Variants in NTNG2 observed in about 807,000 individuals in gnomAD.
NTNG2 encodes the protein netrin-G2.
NTNG2 carries 15 observed loss-of-function variants against 47.6 expected under a neutral mutation model. The ratio of observed to expected loss-of-function variants is 0.32; its 90% CI spans 0.21 to 0.49. NTNG2 has a LOEUF of 0.49. NTNG2 is among the 20% of genes least tolerant of loss of function. The pLI is 0.99. For missense variants in NTNG2, 578 were observed against 764.6 expected, an observed-to-expected ratio of 0.76 and a Z score of 2.88; for synonymous variants, 307 against 324.6, an observed-to-expected ratio of 0.95 and a Z score of 0.58.
At chr9:132,172,088 G>A (rs747009918) in intron 2 of NTNG2, among the ~76,000 whole-genome samples, 16 of 152,332 alleles carry the variant, frequency 1.1e-4, no homozygotes, top group Middle Eastern at 3.4e-3. Flanking sequence ...GGAGGAGGGC[G>A]TGCCCCTCCC....
chr9:132,209,888 T>C (rs1482963380), intron 3 of NTNG2, among the ~76,000 whole-genome samples: 1 of 101,350 alleles, frequency 9.9e-6, no homozygotes, highest in East Asian at 3.4e-4. Flanking sequence ...ATGGGAAGAA[T>C]CCACCAGGAC....
At chr9:132,211,913 A>AATTCATTC (rs762306388) in intron 3 of NTNG2, among the ~76,000 whole-genome samples, 1 of 152,150 alleles carries the variant, frequency 6.6e-6, no homozygotes, top group East Asian at 1.9e-4. Context: ...ATATGTGTGG[A>AATTCATTC]ATTCATTCAT....
Position 132,221,986 on chromosome 9 carries a change from G to A in NTNG2, c.858-4863G>A, listed in dbSNP as rs963690038. Among the ~76,000 whole-genome samples the A allele has an allele frequency of 6.6e-6, 1 of 152,212 alleles. No individual in the cohort carries two copies. Among genetic ancestry groups the A allele is most frequent in the Non-Finnish European group, 1.5e-5 (1 of 68,038 alleles). ...GGCCAGCAGTGCGGAGCACAGCCCC[G>A]GTTCCGTACAGCTGAGGTGTTCCTC... is the stretch of plus-strand genomic sequence containing the variant. On this transcript the variant is annotated intron_variant, in intron 3 of 7. Coordinates refer to ENST00000393229, the MANE Select transcript of NTNG2 (RefSeq NM_032536.4). The surrounding 1 kb of genome is among the most constrained non-coding windows in gnomAD (Gnocchi z 4.2).
chr9:132,192,242 GA>G (rs1242973119), intron 2 of NTNG2, among the ~76,000 whole-genome samples: 2 of 152,224 alleles, frequency 1.3e-5, no homozygotes, highest in African/African-American at 4.8e-5. Flanking sequence ...GGGGTGGGGG[GA>G]CTGGGGTAAA....
rs1835190528 is a variant in NTNG2 at position 132,162,940 on chromosome 9, A to C, written c.-484+701A>C. 1.3e-5 allele frequency among the ~76,000 whole-genome samples: 2 copies of C among 151,996 alleles called. No individual in the cohort carries two copies. The highest frequency in any genetic ancestry group is 1.3e-4 in the Admixed American group (2 of 15,274). ...AGAGGCGGCGGGAAGGCGGGAAGAG[A>C]GGACCGCGGGCTCGCGGGGTCCGCC... On this transcript the variant is annotated intron_variant, in intron 1 of 7. Transcript: ENST00000393229. This position sits in a 1 kb window ranked among gnomAD's most constrained non-coding sequence, Gnocchi z 4.6.
chr9:132,202,468 C>T (rs759578206), intron 3 of NTNG2, among the ~76,000 whole-genome samples: 4 of 152,214 alleles, frequency 2.6e-5, no homozygotes, highest in Non-Finnish European at 5.9e-5. Context: ...AGCCACGCCC[C>T]CTCCCTGCCT....
chr9:132,164,335 C>T (rs1417437302), intron 1 of NTNG2, among the ~76,000 whole-genome samples: 1 of 152,154 alleles, frequency 6.6e-6, no homozygotes, highest in African/African-American at 2.4e-5. Flanking sequence ...GCCTCCGGGC[C>T]TCGCTGCCTC....
intron 2 of NTNG2, among the ~76,000 whole-genome samples, chr9:132,173,641 T>C (rs6597548): frequency 0.47 from 70,724 of 152,030 alleles, 17,638 homozygotes; most frequent in African/African-American, 0.65. Context: ...AGGCAGTGGA[T>C]GGATGGACAG....
At chr9:132,228,345 AAG>A (rs1335047418) in intron 4 of NTNG2, among the ~76,000 whole-genome samples, 1 of 152,168 alleles carries the variant, frequency 6.6e-6, no homozygotes, top group Non-Finnish European at 1.5e-5. Context: ...CAAAGGCACA[AAG>A]AGCACTCCGG....
At chr9:132,189,091 T>TTTTTTTTTTTTTTTTTTA in intron 2 of NTNG2, among the ~76,000 whole-genome samples, 1 of 139,412 alleles carries the variant, frequency 7.2e-6, no homozygotes. Flanking sequence ...TTTTTTTTTT[T>TTTTTTTTTTTTTTTTTTA]TTTTAGACAG....
At chr9:132,223,591 CA>C (rs981545600) in intron 3 of NTNG2, among the ~76,000 whole-genome samples, 5 of 151,876 alleles carry the variant, frequency 3.3e-5, no homozygotes, top group African/African-American at 1.2e-4. Flanking sequence ...GAGAGCCAGT[CA>C]GGGGGAAACG....
intron 3 of NTNG2, among the ~76,000 whole-genome samples, chr9:132,205,434 T>C (rs982189541): frequency 1.3e-5 from 2 of 152,058 alleles, no homozygotes; most frequent in Non-Finnish European, 2.9e-5. Context: ...GAAAGTAGAA[T>C]GGTGGCTGCC....
In NTNG2 at chr9:132,240,292, G is replaced by A. The variant is rs190335854; in HGVS notation, c.1223-618G>A. Among the ~76,000 whole-genome samples the A allele has an allele frequency of 2.0e-5, 3 of 152,344 alleles. No homozygotes were observed. In the East Asian group the frequency reaches 5.8e-4, roughly 29 times the overall value. ...GGGGCCAGCTGCAGGGACAGGGCAGGGCCTTTGGATCCAATTAGAGGTGCC... is the reference window on the plus strand; with the variant it reads ...GGGGCCAGCTGCAGGGACAGGGCAGAGCCTTTGGATCCAATTAGAGGTGCC... On this transcript the variant is annotated intron_variant, in intron 6 of 7. Coordinates refer to ENST00000393229, the MANE Select transcript of NTNG2 (RefSeq NM_032536.4).
intron 3 of NTNG2, among the ~76,000 whole-genome samples, chr9:132,217,046 AGATCCAGCT>A (rs1840040484): frequency 6.6e-6 from 1 of 152,170 alleles, no homozygotes; most frequent in African/African-American, 2.4e-5. Context: ...GGTGGCTGTG[AGATCCAGCT>A]CTAGTGCCAT....
intron 3 of NTNG2, among the ~76,000 whole-genome samples, chr9:132,216,414 C>CTCTCTCTCTCTCTCTCTGTGTG (rs1554790515): frequency 1.8e-5 from 2 of 110,290 alleles, no homozygotes; most frequent in African/African-American, 4.9e-5. Context: ...CTCTCTCTCT[C>CTCTCTCTCTCTCTCTCTGTGTG]TGTGTGTGTG....
At chr9:132,198,784 C>T (rs562220161) in intron 3 of NTNG2, among the ~76,000 whole-genome samples, 175 bp downstream of exon 3, 3 of 151,644 alleles carry the variant, frequency 2.0e-5, no homozygotes, top group Non-Finnish European at 4.4e-5. Context: ...CCTGGTTCCC[C>T]GGGGGTTACC....
At chr9:132,176,957 AG>A (rs1397976943) in intron 2 of NTNG2, among the ~76,000 whole-genome samples, 1 of 152,166 alleles carries the variant, frequency 6.6e-6, no homozygotes, top group Non-Finnish European at 1.5e-5. Context: ...TAATGATGTC[AG>A]TGTGCTTCTT....
intron 2 of NTNG2, among the ~76,000 whole-genome samples, chr9:132,172,039 A>G (rs1835958730): frequency 6.6e-6 from 1 of 152,182 alleles, no homozygotes; most frequent in Non-Finnish European, 1.5e-5. Flanking sequence ...CTAACCACAA[A>G]TGGTGACACC....
At chr9:132,194,710 G>A (rs945660997) in intron 2 of NTNG2, among the ~76,000 whole-genome samples, 6 of 152,246 alleles carry the variant, frequency 3.9e-5, no homozygotes, top group African/African-American at 1.4e-4. Context: ...CCACCCTGAG[G>A]TTGCATAGGG....
Sources: gnomAD v4.1 joint callset for allele counts (sites outside exome capture counted in the v4.1 genomes callset) on GRCh38, gnomAD v4.1.1 for gene constraint, Gnocchi (gnomAD v3.1) non-coding constraint, MANE v1.5 for transcripts, NCBI Gene and HGNC (gene_info 2026-07-23, HGNC 2026-07-21) for gene names.